SHANK2: variants seen among roughly 807,000 people sequenced by gnomAD.
The protein encoded by SHANK2 is SH3 and multiple ankyrin repeat domains 2, also known as SH3 and multiple ankyrin repeat domains protein 2.
A neutral mutation model predicts 133.7 loss-of-function variants in SHANK2; 43 were observed. The ratio of observed to expected loss-of-function variants is 0.32; its 90% CI spans 0.25 to 0.41. SHANK2 has a LOEUF of 0.41. Among genes scored for constraint, SHANK2 ranks in the 10% least tolerant of loss-of-function variants. SHANK2 has a pLI of 1.00. For missense variants in SHANK2, 1,994 were observed against 2,235.8 expected (o/e 0.89, Z 2.18); for synonymous variants, 1,017 against 952.8 (o/e 1.07, Z -1.24).
chr11:70,839,035 C>A (rs3017477), intron 11 of SHANK2, among the ~76,000 whole-genome samples: 124,905 of 152,236 alleles, frequency 0.82, 51,926 homozygotes, highest in African/African-American at 0.95. Context: ...GAATTTGTCC[C>A]GCGTTTGCCA....
intron 17 of SHANK2, among the ~76,000 whole-genome samples, chr11:70,613,749 G>A (rs1241500013): frequency 8.1e-5 from 12 of 147,956 alleles, no homozygotes; most frequent in African/African-American, 3.0e-4. Context: ...GTCCTTGTAA[G>A]AAGAGGGGAA....
At chr11:70,570,018 T>TCCTGC in intron 17 of SHANK2, among the ~76,000 whole-genome samples, 1 of 151,746 alleles carries the variant, frequency 6.6e-6, no homozygotes, top group Non-Finnish European at 1.5e-5. Flanking sequence ...AGCTGTTGAG[T>TCCTGC]CTCCCCCTGC....
At chr11:71,169,577 C>T (rs1011151586) in intron 2 of SHANK2, among the ~76,000 whole-genome samples, 94 of 151,940 alleles carry the variant, frequency 6.2e-4, no homozygotes, top group Middle Eastern at 3.4e-3. Flanking sequence ...ATGGTGAAAC[C>T]CCATGTCTAC....
chr11:70,830,326 C>T lies in SHANK2; in HGVS notation c.1175-9644G>A, dbSNP rs1351737221. Among the ~76,000 whole-genome samples the T allele has an allele frequency of 1.3e-5, 2 of 152,186 alleles. No individual in the cohort carries two copies. Among genetic ancestry groups the T allele is most frequent in the African/African-American group, 4.8e-5 (2 of 41,446 alleles). On this transcript the variant is annotated intron_variant, in intron 11 of 25. Transcript: ENST00000601538. The surrounding 1 kb of genome is among the most constrained non-coding windows in gnomAD (Gnocchi z 4.4). Reference sequence around the variant, plus strand: ...GGCTGGGAGGGAAGTTCTGTGTGGACAAATGTTCCGTGTGAGTGTTTGGGG... The same window carrying T: ...GGCTGGGAGGGAAGTTCTGTGTGGATAAATGTTCCGTGTGAGTGTTTGGGG...
In SHANK2 at chr11:70,836,976, T is replaced by A. The variant is rs551641509; in HGVS notation, c.1175-16294A>T. 3.9e-5 allele frequency among the ~76,000 whole-genome samples: 6 copies of A among 152,262 alleles called. No homozygotes were observed. In the South Asian group the frequency reaches 1.2e-3, roughly 32 times the overall value. ...GAAGAGACTTGAGAGTTGGTCGCTG[T>A]CTGTCTCTCTGTCTCTCCACCATGG... is the stretch of plus-strand genomic sequence containing the variant. On this transcript the variant is annotated intron_variant, in intron 11 of 25. Transcript: ENST00000601538.
At chr11:71,097,055 G>A (rs1358686807) in intron 6 of SHANK2, among the ~76,000 whole-genome samples, 2 of 152,332 alleles carry the variant, frequency 1.3e-5, no homozygotes, top group East Asian at 1.9e-4. Context: ...TCACGTGCAG[G>A]ATGGGGAGCT....
At chr11:71,144,282 T>C (rs1320349241) in intron 3 of SHANK2, among the ~76,000 whole-genome samples, 2 of 152,226 alleles carry the variant, frequency 1.3e-5, no homozygotes, top group African/African-American at 4.8e-5. Context: ...CTTTTCTTCC[T>C]GGGCTCAGAC....
At chr11:70,614,467 A>T (rs1431104837) in intron 17 of SHANK2, among the ~76,000 whole-genome samples, 1 of 152,038 alleles carries the variant, frequency 6.6e-6, no homozygotes, top group Non-Finnish European at 1.5e-5. Flanking sequence ...GTGCCCCAAC[A>T]TGCCTGGCTA....
At chr11:70,795,463 T>C (rs1164764229) in intron 14 of SHANK2, among the ~76,000 whole-genome samples, 1 of 146,082 alleles carries the variant, frequency 6.8e-6, no homozygotes, top group African/African-American at 2.5e-5. Flanking sequence ...TGGAGTGCAG[T>C]GGTGCAATCT....
chr11:71,207,422 C>T (rs112747438), intron 2 of SHANK2, among the ~76,000 whole-genome samples: 7 of 152,062 alleles, frequency 4.6e-5, no homozygotes, highest in African/African-American at 9.7e-5. Context: ...TCAGGTGATC[C>T]GTGCGCCTTG....
At chr11:70,711,253 G>C (rs1382873982) in intron 14 of SHANK2, among the ~76,000 whole-genome samples, 1 of 152,154 alleles carries the variant, frequency 6.6e-6, no homozygotes, top group Non-Finnish European at 1.5e-5. Flanking sequence ...CTGCCGTTTA[G>C]AGGGCTCAGG....
At chr11:71,092,325 G>T (rs2135111229) in intron 8 of SHANK2, 97 bp downstream of exon 8, 1 of 1,337,522 alleles carries the variant, frequency 7.5e-7, no homozygotes, top group South Asian at 1.3e-5. Flanking sequence ...CTGAAGGCAG[G>T]ATCTAACCTT....
chr11:70,637,658 G>A (rs1315921999), intron 17 of SHANK2, among the ~76,000 whole-genome samples: 1 of 152,256 alleles, frequency 6.6e-6, no homozygotes, highest in Non-Finnish European at 1.5e-5. Flanking sequence ...GCTAGGCACT[G>A]GGAGTGAGGC....
chr11:71,144,981 C>T (rs1952617478), intron 3 of SHANK2, among the ~76,000 whole-genome samples: 1 of 152,210 alleles, frequency 6.6e-6, no homozygotes, highest in South Asian at 2.1e-4. Context: ...ATGTGATCAC[C>T]ATTGCTAAGT....
intron 17 of SHANK2, among the ~76,000 whole-genome samples, chr11:70,511,758 A>T (rs782108211): frequency 5.3e-5 from 8 of 152,266 alleles, no homozygotes; most frequent in Non-Finnish European, 8.8e-5. Flanking sequence ...AGCCACATCC[A>T]GGTAGATGGC....
chr11:70,645,302 A>C (rs1765030467), intron 17 of SHANK2, among the ~76,000 whole-genome samples: 1 of 152,110 alleles, frequency 6.6e-6, no homozygotes, highest in South Asian at 2.1e-4. Context: ...TCAATGCCAG[A>C]ATCCCGGTGT....
chr11:70,563,281 CCTTAA>C (rs1303810215), intron 17 of SHANK2, among the ~76,000 whole-genome samples: 6 of 152,182 alleles, frequency 3.9e-5, no homozygotes, highest in East Asian at 3.9e-4. Flanking sequence ...TAGTAGACAC[CCTTAA>C]CTTATCACTG....
chr11:70,636,400 TGCGA>T (rs1177646366), intron 17 of SHANK2, among the ~76,000 whole-genome samples: 2 of 152,238 alleles, frequency 1.3e-5, no homozygotes, highest in Admixed American at 1.3e-4. Flanking sequence ...TGAGTGTGTA[TGCGA>T]GCATGTGTGA....
chr11:70,863,671 G>A (rs1171481487), intron 11 of SHANK2: 2 of 422,338 alleles, frequency 4.7e-6, no homozygotes, highest in South Asian at 1.7e-5. Context: ...TCCTGGGCTG[G>A]GGGTATGGGG....
Sources: allele counts gnomAD v4.1 joint callset (sites outside exome capture counted in the v4.1 genomes callset), GRCh38; gene constraint gnomAD v4.1.1; non-coding constraint Gnocchi (gnomAD v3.1); transcripts MANE v1.5; gene names NCBI Gene and HGNC (gene_info 2026-07-23, HGNC 2026-07-21).